The following NR5A1 variants were observed in gnomAD, a reference collection of about 807,000 sequenced individuals.
NR5A1 encodes the protein nuclear receptor subfamily 5 group A member 1.
A neutral mutation model predicts 42.7 loss-of-function variants in NR5A1; 6 were observed. The observed-to-expected ratio is 0.14, with a 90% confidence interval of 0.08 to 0.28. NR5A1 has a LOEUF of 0.28. Ranked by LOEUF, NR5A1 falls within the 10% of genes least tolerant of loss-of-function variation. The pLI, the probability that NR5A1 is intolerant of heterozygous loss-of-function variation, is 1.00. For missense variants in NR5A1, 442 were observed against 626.4 expected, an observed-to-expected ratio of 0.71 and a Z score of 3.14; for synonymous variants, 274 against 277.5, an observed-to-expected ratio of 0.99 and a Z score of 0.12.
rs569110257 is a variant in NR5A1 at position 124,501,959 on chromosome 9, G to A, written c.244+1120C>T. Among the ~76,000 whole-genome samples, 21 of 152,322 alleles carry A rather than the reference G, an allele frequency of 1.4e-4. 1 individual carries two copies. Among genetic ancestry groups the A allele is most frequent in the Admixed American group, 1.2e-3 (18 of 15,302 alleles). On this transcript the variant is annotated intron_variant, in intron 3 of 6. Coordinates refer to ENST00000373588, the MANE Select transcript of NR5A1 (RefSeq NM_004959.5). The surrounding 1 kb of genome is among the most constrained non-coding windows in gnomAD (Gnocchi z 4.1). ...GCTGAGAGCTGGGGTTGAGGGTAGGGAGGCAAAGAGGGGCCTGGGTTTCTT... is the reference window on the plus strand; with the variant it reads ...GCTGAGAGCTGGGGTTGAGGGTAGGAAGGCAAAGAGGGGCCTGGGTTTCTT...
chr9:124,496,984 T>C lies in NR5A1; in HGVS notation c.870+3106A>G, dbSNP rs998520746. 6.6e-6 allele frequency among the ~76,000 whole-genome samples: 1 copy of C among 152,188 alleles called. No individual in the cohort carries two copies. The highest frequency in any genetic ancestry group is 6.5e-5 in the Admixed American group (1 of 15,288). ...ACCTCACAGGGAAAAAGTTGCTTTA[T>C]AAGCGCAGGACAAAGTGACCCTCAG... On this transcript the variant is annotated intron_variant, in intron 4 of 6. Transcript: ENST00000373588. This position sits in a 1 kb window ranked among gnomAD's most constrained non-coding sequence, Gnocchi z 5.0.
intron 1 of NR5A1, among the ~76,000 whole-genome samples, chr9:124,505,778 G>A (rs1054139909): frequency 6.6e-5 from 10 of 152,216 alleles, no homozygotes; most frequent in Admixed American, 3.3e-4. Context: ...CTCACGGGGG[G>A]GTGGGGCGAG....
At chr9:124,491,371 G>T in intron 5 of NR5A1, 143 bp from the exon 6 acceptor site, 1 of 652,382 alleles carries the variant, frequency 1.5e-6, no homozygotes, top group Non-Finnish European at 2.6e-6. Flanking sequence ...CAGCCTTGGT[G>T]CCGAGCCAGG....
In NR5A1 at chr9:124,505,006, G is replaced by A. The variant is rs371981077; in HGVS notation, c.-15-1596C>T. Among the ~76,000 whole-genome samples the A allele has an allele frequency of 7.2e-5, 11 of 151,798 alleles. No homozygotes were observed. The East Asian group carries it at 1.9e-3, about 27-fold the overall frequency. Reference sequence around the variant, plus strand: ...CCAACCCGCCGCGCCGGGGCCGGGGGCCGGCCCCTCTATATCGGCGCGTGC... The same window carrying A: ...CCAACCCGCCGCGCCGGGGCCGGGGACCGGCCCCTCTATATCGGCGCGTGC... On this transcript the variant is annotated intron_variant, in intron 1 of 6. Transcript: ENST00000373588.
chr9:124,500,198 G>T lies in NR5A1; in HGVS notation c.762C>A (p.Ser254Arg). 1 of 1,609,800 alleles carries T rather than the reference G, an allele frequency of 6.2e-7. No homozygotes were observed. The highest frequency in any genetic ancestry group is 8.5e-7 in the Non-Finnish European group (1 of 1,177,936). The change falls in exon 4 of 7, where the codon AGC (serine) becomes AGA (arginine). Residue 254 changes from serine (S) to arginine (R), a missense_variant. Ser to Arg is a moderately radical substitution (Grantham distance 110). This residue lies in a region of NR5A1 where 208 missense variants were observed against 203.8 expected (regional missense o/e 1.02). Coordinates refer to ENST00000373588, the MANE Select transcript of NR5A1 (RefSeq NM_004959.5). This position sits in a 1 kb window ranked among gnomAD's most constrained non-coding sequence, Gnocchi z 6.9. The stretch of plus-strand genomic sequence containing the variant: ...CGAAGGCCGCCGGCTGGTCGGGGCG[G>T]CTTTTGGTGGGCTCCTGCAGGCAGC... ...ILGCLQEPTK[S>R]RPDQPAAFGL...
intron 4 of NR5A1, among the ~76,000 whole-genome samples, chr9:124,499,445 CAT>C (rs1832433858): frequency 6.6e-6 from 1 of 152,228 alleles, no homozygotes; most frequent in Admixed American, 6.5e-5. Context: ...CACCCACACA[CAT>C]GCACATGACC....
At position 124,503,635 on chromosome 9, in the gene NR5A1, C is replaced by CG. The variant is rs1588623655; in HGVS notation, c.-15-226dup. On this transcript the variant is annotated intron_variant, in intron 1 of 6. Transcript: ENST00000373588. The surrounding 1 kb of genome is among the most constrained non-coding windows in gnomAD (Gnocchi z 9.6). ...CCAGGCCCCACGCTCCCGCCCCGTC[C>CG]GGGGGGCTCCTCCCGCGCGGACCCC... Among the ~76,000 whole-genome samples the CG allele has an allele frequency of 6.6e-6, 1 of 152,164 alleles. No individual in the cohort carries two copies. Among genetic ancestry groups the CG allele is most frequent in the African/African-American group, 2.4e-5 (1 of 41,450 alleles).
intron 4 of NR5A1, among the ~76,000 whole-genome samples, chr9:124,499,799 G>C (rs1832438563): frequency 6.6e-6 from 1 of 152,182 alleles, no homozygotes. Context: ...GAAGCAGAGA[G>C]ACAACATGCA....
intron 4 of NR5A1, among the ~76,000 whole-genome samples, chr9:124,493,834 G>A (rs954582379): frequency 1.5e-4 from 23 of 152,308 alleles, no homozygotes; most frequent in South Asian, 6.2e-4. Context: ...AGAGACACTC[G>A]GTGCAGGGGC....
At chr9:124,493,172 G>T in intron 4 of NR5A1, 23 bp from the exon 5 acceptor site, 1 of 1,604,198 alleles carries the variant, frequency 6.2e-7, no homozygotes, top group South Asian at 1.1e-5. Context: ...GGCACGCGGG[G>T]GGCCGGGCTC....
Position 124,501,313 on chromosome 9 carries a change from T to C in NR5A1, c.245-598A>G, listed in dbSNP as rs1832467495. On this transcript the variant is annotated intron_variant, in intron 3 of 6. Transcript: ENST00000373588. This position sits in a 1 kb window ranked among gnomAD's most constrained non-coding sequence, Gnocchi z 4.1. ...TTGACTGACTGCCTGACTGTTGAGC[T>C]CCTGCTTCAAAATGACTCAAGTATC... is the stretch of plus-strand genomic sequence containing the variant. Among the ~76,000 whole-genome samples, 1 of 152,226 alleles carries C rather than the reference T, an allele frequency of 6.6e-6. No homozygotes were observed. Among genetic ancestry groups the C allele is most frequent in the Admixed American group, 6.5e-5 (1 of 15,288 alleles).
At chr9:124,497,101 G>T (rs1400003498) in intron 4 of NR5A1, among the ~76,000 whole-genome samples, 1 of 152,208 alleles carries the variant, frequency 6.6e-6, no homozygotes, top group Non-Finnish European at 1.5e-5. Context: ...AAGCCTGCAG[G>T]CGTCGATTAA....
chr9:124,500,452 G>A lies in NR5A1; in HGVS notation c.508C>T (p.Pro170Ser), dbSNP rs1832449857. The change falls in exon 4 of 7, where the codon CCC (proline) becomes TCC (serine). Residue 170 changes from proline to serine, a missense_variant. By Grantham distance (74) the Pro-to-Ser change is moderately conservative (BLOSUM62 -1). This residue lies in a region of NR5A1 where 208 missense variants were observed against 203.8 expected (regional missense o/e 1.02). Transcript: ENST00000373588. The surrounding 1 kb of genome is among the most constrained non-coding windows in gnomAD (Gnocchi z 6.9). Reference sequence around the variant, plus strand: ...CCGTGGGCACCGGGCACGGCCATGGGCAGTGCTGGGGCCCCAAAGTCGCCC... The same window carrying A: ...CCGTGGGCACCGGGCACGGCCATGGACAGTGCTGGGGCCCCAAAGTCGCCC... ...PLGDFGAPAL[P>S]MAVPGAHGPL... is the part of the protein sequence containing the mutation. 3 of 1,588,534 alleles carry A rather than the reference G, an allele frequency of 1.9e-6. No homozygotes were observed. The highest frequency in any genetic ancestry group is 1.8e-5 in the Admixed American group (1 of 56,614).
chr9:124,505,136 C>A (rs1269933729), intron 1 of NR5A1, among the ~76,000 whole-genome samples: 2 of 152,184 alleles, frequency 1.3e-5, no homozygotes, highest in African/African-American at 4.8e-5. Flanking sequence ...CCTCCAGGCC[C>A]CCCAGCCGCA....
rs921776793 is a variant in NR5A1 at position 124,501,026 on chromosome 9, T to C, written c.245-311A>G. ...TCCTTCTGACTCAAACTTTTTTTTT[T>C]CTCTTGTGCTTGCTGAACACCCAGC... On this transcript the variant is annotated intron_variant, in intron 3 of 6. Coordinates refer to ENST00000373588, the MANE Select transcript of NR5A1 (RefSeq NM_004959.5). This position sits in a 1 kb window ranked among gnomAD's most constrained non-coding sequence, Gnocchi z 4.1. 1 of 654,044 alleles carries C rather than the reference T, an allele frequency of 1.5e-6. No homozygotes were observed. The highest frequency in any genetic ancestry group is 2.9e-6 in the Non-Finnish European group (1 of 344,274). 40.5% of individuals were successfully genotyped at this position (654,044 alleles called of 1,614,324 possible).
At chr9:124,504,559 G>A (rs542534687) in intron 1 of NR5A1, among the ~76,000 whole-genome samples, 1 of 151,898 alleles carries the variant, frequency 6.6e-6, no homozygotes, top group South Asian at 2.1e-4. Context: ...CCGGGAAGCC[G>A]AGCCCGAGGC....
Position 124,500,475 on chromosome 9 carries a change from C to T in NR5A1, c.485G>A (p.Gly162Asp). 1 of 1,598,212 alleles carries T rather than the reference C, an allele frequency of 6.3e-7. No individual in the cohort carries two copies. Among genetic ancestry groups the T allele is most frequent in the Non-Finnish European group, 8.5e-7 (1 of 1,174,562 alleles). Residue 162 changes from glycine (G) to aspartate (D), a missense_variant, in exon 4 of 7, where the codon GGC becomes GAC. Physicochemically the swap from Gly to Asp is moderately conservative, Grantham distance 94. Transcript: ENST00000373588. This position sits in a 1 kb window ranked among gnomAD's most constrained non-coding sequence, Gnocchi z 6.9. ...GGGCAGTGCTGGGGCCCCAAAGTCG[C>T]CCAGTGGCCCAGCAGGTGGACCGGC... ...LAAGPPAGPLGDFGAPALPMA... is the reference protein window; with the variant it reads ...LAAGPPAGPLDDFGAPALPMA...
intron 1 of NR5A1, among the ~76,000 whole-genome samples, chr9:124,504,063 G>A (rs898460447): frequency 6.7e-6 from 1 of 150,328 alleles, no homozygotes; most frequent in African/African-American, 2.5e-5. Context: ...GAGAGAGAGA[G>A]AGAGAGAGAG....
At chr9:124,492,212 A>C (rs1385494181) in intron 5 of NR5A1, among the ~76,000 whole-genome samples, 1 of 148,288 alleles carries the variant, frequency 6.7e-6, no homozygotes, top group Non-Finnish European at 1.5e-5. Context: ...AGCAGGCTGG[A>C]CCCTGGCCAT....
Sources: gnomAD v4.1 joint callset for allele counts (sites outside exome capture counted in the v4.1 genomes callset) on GRCh38, gnomAD v4.1.1 for gene constraint, gnomAD v4.1.1 regional missense constraint, Gnocchi (gnomAD v3.1) non-coding constraint, MANE v1.5 for transcripts, NCBI Gene and HGNC (gene_info 2026-07-23, HGNC 2026-07-21) for gene names.